The following STAT3 variants were observed in gnomAD, a reference collection of about 807,000 sequenced individuals.
STAT3 encodes signal transducer and activator of transcription 3, also known as DNA-binding protein APRF.
In STAT3, 7 loss-of-function variants were observed where a neutral mutation model predicts 114.3. That is an observed-to-expected ratio of 0.06 (90% CI 0.03 to 0.11). The LOEUF is 0.11. Ranked by LOEUF, STAT3 falls within the 10% of genes least tolerant of loss-of-function variation. The pLI is 1.00. For synonymous variants in STAT3, 331 were observed against 354.5 expected (o/e 0.93, Z 0.74); for missense variants, 364 against 960.9 (o/e 0.38, Z 8.21).
intron 1 of STAT3, among the ~76,000 whole-genome samples, chr17:42,356,320 G>C (rs988709220): frequency 6.6e-6 from 1 of 152,122 alleles, no homozygotes; most frequent in Middle Eastern, 3.4e-3. Flanking sequence ...ATGTTGCCAG[G>C]TGTGGTGGTC....
rs1415827117 is a variant in STAT3 at position 42,322,994 on chromosome 17, C to T, written c.1888+10G>A. 1.2e-6 allele frequency: 2 copies of T among 1,613,036 alleles called. No individual in the cohort carries two copies. The highest frequency in any genetic ancestry group is 1.7e-6 in the Non-Finnish European group (2 of 1,180,014). On this transcript the variant is annotated intron_variant, in intron 20 of 23. Coordinates refer to ENST00000264657, the MANE Select transcript of STAT3 (RefSeq NM_139276.3). ...CACCAGCAGGTGGGGTGGGTGGGAG[C>T]CTCCCTTACCGCTGATGTCCTTCTC...
intron 1 of STAT3, among the ~76,000 whole-genome samples, chr17:42,350,227 G>A (rs2082880388): frequency 6.6e-6 from 1 of 152,170 alleles, no homozygotes; most frequent in South Asian, 2.1e-4. Context: ...AAGGCACGAA[G>A]AAGCACCTAG....
At chr17:42,380,991 A>G (rs1220782034) in intron 1 of STAT3, among the ~76,000 whole-genome samples, 1 of 152,216 alleles carries the variant, frequency 6.6e-6, no homozygotes, top group Non-Finnish European at 1.5e-5. Flanking sequence ...AGTACTTGAT[A>G]TGCATCATCT....
chr17:42,360,647 A>G (rs1330318934), intron 1 of STAT3, among the ~76,000 whole-genome samples: 1 of 151,824 alleles, frequency 6.6e-6, no homozygotes, highest in Non-Finnish European at 1.5e-5. Context: ...TCCATCTCAA[A>G]AAAAAAAAAA....
At position 42,345,623 on chromosome 17, in the gene STAT3, C is replaced by T. The variant is rs1417279405; in HGVS notation, c.308G>A (p.Arg103Gln). The part of the protein sequence containing the change: ...RYLEKPMEIA[R>Q]IVARCLWEES... ...TTCCCACAGGCACCGGGCCACAATC[C>T]GGGCAATCTCCATTGGCTTCTCAAG... The change falls in exon 4 of 24, where the codon CGG becomes CAG. Residue 103 changes from arginine (R) to glutamine (Q), a missense_variant. Physicochemically the swap from Arg to Gln is conservative, Grantham distance 43. This residue lies in a region of STAT3 where 294 missense variants were observed against 745.1 expected (regional missense o/e 0.39). Transcript: ENST00000264657. 3.1e-6 allele frequency: 5 copies of T among 1,608,046 alleles called. No homozygotes were observed. The highest frequency in any genetic ancestry group is 4.2e-6 in the Non-Finnish European group (5 of 1,176,638).
At position 42,320,653 on chromosome 17, in the gene STAT3, C is replaced by A. The variant is rs565978090; in HGVS notation, c.2101+1629G>T. Among the ~76,000 whole-genome samples, 17 of 145,462 alleles carry A rather than the reference C, an allele frequency of 1.2e-4. No homozygotes were observed. The East Asian group carries it at 1.7e-3, about 15-fold the overall frequency. On this transcript the variant is annotated intron_variant, in intron 21 of 23. Transcript: ENST00000264657. ...GCTGAGGCAGGAGAATTGCTTGAACCGGGAGGTGGAGGTTGCAGTGAGCCG... is the reference window on the plus strand; with the variant it reads ...GCTGAGGCAGGAGAATTGCTTGAACAGGGAGGTGGAGGTTGCAGTGAGCCG...
At chr17:42,365,196 C>A (rs951424038) in intron 1 of STAT3, among the ~76,000 whole-genome samples, 5 of 152,164 alleles carry the variant, frequency 3.3e-5, no homozygotes, top group African/African-American at 1.2e-4. Flanking sequence ...CACCTGATTT[C>A]ATTGGAAGTC....
chr17:42,373,742 G>C (rs12937642), intron 1 of STAT3, among the ~76,000 whole-genome samples: 2 of 151,510 alleles, frequency 1.3e-5, no homozygotes, highest in South Asian at 4.2e-4. Flanking sequence ...AAAATTAGCC[G>C]GGCATCGTGG....
chr17:42,374,819 G>A (rs972482437), intron 1 of STAT3, among the ~76,000 whole-genome samples: 3 of 152,170 alleles, frequency 2.0e-5, no homozygotes, highest in African/African-American at 7.2e-5. Flanking sequence ...CAGGCTAGTA[G>A]CCAAATTACC....
chr17:42,345,814 CGG>C, intron 3 of STAT3, among the ~76,000 whole-genome samples, 157 bp from the exon 4 acceptor site: 1 of 147,234 alleles, frequency 6.8e-6, no homozygotes, highest in African/African-American at 2.5e-5. Context: ...GGCTCTCTGT[CGG>C]CGGGGGGCGA....
chr17:42,365,971 T>C (rs117892694), intron 1 of STAT3, among the ~76,000 whole-genome samples: 1,597 of 152,186 alleles, frequency 0.01, 41 homozygotes, highest in African/African-American at 0.033. Flanking sequence ...GCTATTTTAA[T>C]AGTAAACTTA....
chr17:42,346,839 A>G, intron 2 of STAT3, 126 bp from the exon 3 acceptor site: 1 of 1,255,130 alleles, frequency 8.0e-7, no homozygotes, highest in Middle Eastern at 2.6e-4. Flanking sequence ...TAACCCATTC[A>G]TCATGTTAGA....
chr17:42,380,684 C>T (rs1210041525), intron 1 of STAT3, among the ~76,000 whole-genome samples: 2 of 152,162 alleles, frequency 1.3e-5, no homozygotes, highest in Admixed American at 6.5e-5. Flanking sequence ...CCACCGCACT[C>T]GGCCTGATAT....
At chr17:42,388,122 G>A in intron 1 of STAT3, 157 bp downstream of exon 1, 4 of 900,046 alleles carry the variant, frequency 4.4e-6, no homozygotes, top group Non-Finnish European at 5.8e-6. Context: ...TCATCCCGAA[G>A]AGTCTTCCCT....
intron 1 of STAT3, among the ~76,000 whole-genome samples, chr17:42,359,238 A>G (rs564282096): frequency 6.6e-6 from 1 of 152,224 alleles, no homozygotes; most frequent in African/African-American, 2.4e-5. Context: ...ACCCAGCCAG[A>G]TATTTCTTAT....
intron 1 of STAT3, among the ~76,000 whole-genome samples, chr17:42,355,962 A>C (rs9891119): frequency 0.36 from 55,252 of 152,026 alleles, 10,308 homozygotes; most frequent in South Asian, 0.46. Flanking sequence ...ATCTAAAGAT[A>C]ACTTCTGTTC....
At chr17:42,322,561 C>T in intron 20 of STAT3, 67 bp from the exon 21 acceptor site, 1 of 1,568,086 alleles carries the variant, frequency 6.4e-7, no homozygotes, top group East Asian at 2.2e-5. Context: ...GAAAACTGCC[C>T]ATTTTTTCTT....
chr17:42,342,453 G>A (rs909968994), intron 4 of STAT3, among the ~76,000 whole-genome samples: 4 of 151,416 alleles, frequency 2.6e-5, no homozygotes, highest in African/African-American at 7.3e-5. Context: ...ACTGCACTCC[G>A]GCCTGGGTGA....
chr17:42,348,382 G>A lies in STAT3; in HGVS notation c.128+7C>T. 6.2e-7 allele frequency: 1 copy of A among 1,613,982 alleles called. No individual in the cohort carries two copies. The highest frequency in any genetic ancestry group is 8.5e-7 in the Non-Finnish European group (1 of 1,179,994). On this transcript the variant is annotated splice_region_variant and intron_variant, in intron 2 of 23. Transcript: ENST00000264657. ...ACAATTTGGAGAGTCACTTAAGAAGGACTTACCAATCTTGACTCTCAATCC... is the reference window on the plus strand; with the variant it reads ...ACAATTTGGAGAGTCACTTAAGAAGAACTTACCAATCTTGACTCTCAATCC...
Sources: gnomAD v4.1 joint callset for allele counts (sites outside exome capture counted in the v4.1 genomes callset) on GRCh38, gnomAD v4.1.1 for gene constraint, gnomAD v4.1.1 regional missense constraint, MANE v1.5 for transcripts, NCBI Gene and HGNC (gene_info 2026-07-23, HGNC 2026-07-21) for gene names.